The following BCAR3 variants were observed in gnomAD, a reference collection of about 807,000 sequenced individuals.
BCAR3 encodes the protein breast cancer anti-estrogen resistance protein 3.
A neutral mutation model predicts 80.1 loss-of-function variants in BCAR3; 37 were observed. That is an observed-to-expected ratio of 0.46 (90% CI 0.36 to 0.61). The LOEUF (loss-of-function observed/expected upper bound fraction) is 0.61. BCAR3 is among the 20% of genes least tolerant of loss of function. BCAR3 has a pLI of 0.00. For missense variants in BCAR3, 978 were observed against 1,068.2 expected, an observed-to-expected ratio of 0.92 and a Z score of 1.18; for synonymous variants, 389 against 418.9, an observed-to-expected ratio of 0.93 and a Z score of 0.87.
At chr1:93,635,099 C>T (rs1675738359) in intron 3 of BCAR3, among the ~76,000 whole-genome samples, 1 of 151,948 alleles carries the variant, frequency 6.6e-6, no homozygotes, top group African/African-American at 2.4e-5. Context: ...GTAGTGAGTG[C>T]CTGGAGTCCT....
chr1:93,643,976 T>C (rs111392962), intron 2 of BCAR3, among the ~76,000 whole-genome samples: 116 of 152,334 alleles, frequency 7.6e-4, no homozygotes, highest in African/African-American at 2.5e-3. Flanking sequence ...TGGAGAGTCA[T>C]GCCCTACAAA....
intron 3 of BCAR3, among the ~76,000 whole-genome samples, chr1:93,638,785 G>T (rs1675884858): frequency 6.6e-6 from 1 of 152,072 alleles, no homozygotes; most frequent in Non-Finnish European, 1.5e-5. Context: ...TTTGACCACA[G>T]AAAAGGACCT....
chr1:93,776,186 G>A (rs1270378094), intron 2 of BCAR3, among the ~76,000 whole-genome samples: 1 of 152,170 alleles, frequency 6.6e-6, no homozygotes, highest in Non-Finnish European at 1.5e-5. Context: ...TACTTCCCAA[G>A]CTGAGAAGCA....
chr1:93,705,208 G>A (rs1649791826), intron 3 of BCAR3, among the ~76,000 whole-genome samples: 3 of 152,148 alleles, frequency 2.0e-5, no homozygotes, highest in Admixed American at 1.3e-4. Context: ...TCACGGGCTG[G>A]GTGGTATGTA....
intron 2 of BCAR3, among the ~76,000 whole-genome samples, chr1:93,836,448 G>A (rs1264487479): frequency 6.6e-6 from 1 of 151,206 alleles, no homozygotes; most frequent in African/African-American, 2.5e-5. Flanking sequence ...CCACATCCAG[G>A]CCATCACCAA....
At chr1:93,757,361 C>T (rs868273649) in intron 2 of BCAR3, among the ~76,000 whole-genome samples, 29 of 152,218 alleles carry the variant, frequency 1.9e-4, no homozygotes, top group African/African-American at 6.5e-4. Context: ...CTCTGATGTC[C>T]ACTTTGCGTT....
intron 2 of BCAR3, among the ~76,000 whole-genome samples, chr1:93,845,263 C>T (rs1313480596): frequency 1.3e-5 from 2 of 151,874 alleles, no homozygotes; most frequent in Non-Finnish European, 2.9e-5. Context: ...TCTCCCATTT[C>T]GGCTGTGAGC....
At chr1:93,697,885 G>A (rs984234835) in intron 3 of BCAR3, among the ~76,000 whole-genome samples, 1 of 152,202 alleles carries the variant, frequency 6.6e-6, no homozygotes. Flanking sequence ...GGCTAAGGCA[G>A]GAGAATCGCT....
chr1:93,562,116 G>T lies in BCAR3; in HGVS notation c.*125C>A. On this transcript the variant is annotated 3_prime_UTR_variant, in exon 12 of 12. Coordinates refer to ENST00000260502, the MANE Select transcript of BCAR3 (RefSeq NM_003567.4). ...GTGCAATTTACACGTTTAATATCCT[G>T]TGGATACTAAAAGCTTGTATATTGT... is the stretch of plus-strand genomic sequence containing the variant. 2.1e-6 allele frequency: 2 copies of T among 965,676 alleles called. No individual in the cohort carries two copies. Among genetic ancestry groups the T allele is most frequent in the South Asian group, 1.9e-5 (1 of 53,532 alleles). 59.8% of individuals were successfully genotyped at this position (965,676 alleles called of 1,614,324 possible).
upstream of BCAR3, among the ~76,000 whole-genome samples, chr1:93,684,115 G>A (rs1259955209): frequency 2.0e-5 from 3 of 152,072 alleles, no homozygotes; most frequent in Non-Finnish European, 4.4e-5. Context: ...TTTGATTTTT[G>A]TTGTATTTTC....
rs1225344983 is a variant in BCAR3, at chr1:93,564,296, T to C, written c.2300-1877A>G. Among the ~76,000 whole-genome samples the C allele has an allele frequency of 5.0e-5, 7 of 140,016 alleles. No homozygotes were observed. In the East Asian group the frequency reaches 7.8e-4, roughly 16 times the overall value. 91.9% of individuals were successfully genotyped at this position (140,016 alleles called of 152,430 possible). A position where few individuals can be genotyped will look rare whatever the true frequency, so the allele number is the denominator to read the frequency against. On this transcript the variant is annotated intron_variant, in intron 11 of 11. Transcript: ENST00000260502. ...CCTAAGAATTTCTTTCTTTCTTTTTTTTTTTTTTTTTTTTTGAGATGGAGT... is the reference window on the plus strand; with the variant it reads ...CCTAAGAATTTCTTTCTTTCTTTTTCTTTTTTTTTTTTTTTGAGATGGAGT...
At chr1:93,816,411 C>T (rs989048629) in intron 2 of BCAR3, among the ~76,000 whole-genome samples, 8 of 152,002 alleles carry the variant, frequency 5.3e-5, no homozygotes, top group African/African-American at 1.4e-4. Context: ...CAGTGGCTCA[C>T]GCTTGAATCC....
In BCAR3 at chr1:93,789,890, T is replaced by C. The variant is rs377469780; in HGVS notation, c.-63+55677A>G. Among the ~76,000 whole-genome samples the C allele has an allele frequency of 2.6e-5, 4 of 152,310 alleles. No homozygotes were observed. The East Asian group carries it at 7.7e-4, about 29-fold the overall frequency. The stretch of plus-strand genomic sequence containing the variant: ...TGATCCATTGCACAGTCAGTCATAC[T>C]GGTGAGGGACCTTGAGGAGTCAGGT... On this transcript the variant is annotated intron_variant, in intron 2 of 13. Transcript: ENST00000370244.
At position 93,570,051 on chromosome 1, in the gene BCAR3, T is replaced by C. The variant is rs1411440635; in HGVS notation, c.1974+1619A>G. On this transcript the variant is annotated intron_variant, in intron 9 of 11. Transcript: ENST00000260502. ...TATCATGAAAATCTGGCAGAACTTA[T>C]GGGCTGCTTATTTCAAATACCAATC... Among the ~76,000 whole-genome samples, 3 of 152,220 alleles carry C rather than the reference T, an allele frequency of 2.0e-5. No individual in the cohort carries two copies. The South Asian group carries it at 6.2e-4, about 31-fold the overall frequency.
intron 2 of BCAR3, among the ~76,000 whole-genome samples, chr1:93,804,591 C>T (rs1337639714): frequency 1.3e-5 from 2 of 152,168 alleles, no homozygotes; most frequent in African/African-American, 4.8e-5. Flanking sequence ...AGAAATGATT[C>T]ACATCCTGGG....
intron 3 of BCAR3, among the ~76,000 whole-genome samples, chr1:93,697,503 T>C (rs1649459034): frequency 6.6e-6 from 1 of 152,140 alleles, no homozygotes. Context: ...TCTTGAACAG[T>C]CTTGGGGGCA....
At chr1:93,573,633 A>ATTTTTTTT (rs1156233219) in intron 8 of BCAR3, among the ~76,000 whole-genome samples, 1 of 138,300 alleles carries the variant, frequency 7.2e-6, no homozygotes, top group Admixed American at 7.4e-5. Flanking sequence ...TATTATTATT[A>ATTTTTTTT]TTTTTTTTTT....
chr1:93,597,257 T>C (rs1414370725), intron 3 of BCAR3, among the ~76,000 whole-genome samples: 1 of 151,930 alleles, frequency 6.6e-6, no homozygotes, highest in Non-Finnish European at 1.5e-5. Context: ...GGGTCTGAGA[T>C]GAGATGTAGG....
In BCAR3 at chr1:93,747,786, T is replaced by G. The variant is rs1339991463; in HGVS notation, c.-62-41644A>C. Among the ~76,000 whole-genome samples, 5 of 151,710 alleles carry G rather than the reference T, an allele frequency of 3.3e-5. 1 individual carries two copies. Among genetic ancestry groups the G allele is most frequent in the African/African-American group, 1.2e-4 (5 of 40,992 alleles). ...AAACCCTTTAGCATGACACTCAGGT[T>G]CCATCTCCTGCCACTTCCCCCAGTG... On this transcript the variant is annotated intron_variant, in intron 2 of 13. Transcript: ENST00000370244.
Sources: allele counts gnomAD v4.1 joint callset (sites outside exome capture counted in the v4.1 genomes callset), GRCh38; gene constraint gnomAD v4.1.1; transcripts MANE v1.5; gene names NCBI Gene and HGNC (gene_info 2026-07-23, HGNC 2026-07-21).